The following FHIT variants were observed in gnomAD, a reference collection of about 807,000 sequenced individuals.
FHIT encodes bis(5'-adenosyl)-triphosphatase.
FHIT carries 19 observed loss-of-function variants against 17.9 expected under a neutral mutation model. That is an observed-to-expected ratio of 1.06 (90% CI 0.74 to 1.56). The LOEUF (loss-of-function observed/expected upper bound fraction) is 1.56. Among genes scored for constraint, FHIT ranks in the 40% most tolerant of loss-of-function variants. The pLI, the probability that FHIT is intolerant of heterozygous loss-of-function variation, is 0.00. For synonymous variants in FHIT, 81 were observed against 69.7 expected (o/e 1.16, Z -0.81); for missense variants, 248 against 189.2 (o/e 1.31, Z -1.82).
chr3:60,858,446 T>G (rs2106946382), intron 3 of FHIT, among the ~76,000 whole-genome samples: 1 of 152,226 alleles, frequency 6.6e-6, no homozygotes, highest in African/African-American at 2.4e-5. Flanking sequence ...CCCTGAAAAC[T>G]CGATTAAAAC....
At chr3:60,512,906 T>C (rs1280451512) in intron 5 of FHIT, among the ~76,000 whole-genome samples, 1 of 152,182 alleles carries the variant, frequency 6.6e-6, no homozygotes, top group Non-Finnish European at 1.5e-5. Flanking sequence ...TATTAATTTA[T>C]GAATAACCAA....
At chr3:60,641,671 G>A (rs1167320607) in intron 4 of FHIT, among the ~76,000 whole-genome samples, 2 of 152,052 alleles carry the variant, frequency 1.3e-5, no homozygotes, top group African/African-American at 4.8e-5. Context: ...ATAATCCTGG[G>A]AATTTCACCA....
At chr3:60,505,992 T>A (rs1375371770) in intron 5 of FHIT, among the ~76,000 whole-genome samples, 2 of 152,218 alleles carry the variant, frequency 1.3e-5, no homozygotes, top group Admixed American at 1.3e-4. Flanking sequence ...TGTAAAAGTC[T>A]GGTTTGATGA....
At chr3:60,139,124 C>A (rs755772793) in intron 5 of FHIT, among the ~76,000 whole-genome samples, 4 of 152,088 alleles carry the variant, frequency 2.6e-5, no homozygotes, top group Admixed American at 6.6e-5. Context: ...ATCTAACTGG[C>A]AAACAAGGAA....
chr3:59,920,526 G>C (rs943184687), intron 8 of FHIT, among the ~76,000 whole-genome samples: 3 of 152,148 alleles, frequency 2.0e-5, no homozygotes. Flanking sequence ...ATTGTGTCTT[G>C]AACTGGGCTG....
intron 2 of FHIT, among the ~76,000 whole-genome samples, chr3:61,142,056 C>T (rs1399297113): frequency 6.6e-6 from 1 of 151,468 alleles, no homozygotes; most frequent in Non-Finnish European, 1.5e-5. Flanking sequence ...GGAGTCAAAG[C>T]TTCACTTGCT....
chr3:59,892,508 T>C (rs1372045452), intron 8 of FHIT, among the ~76,000 whole-genome samples: 1 of 152,198 alleles, frequency 6.6e-6, no homozygotes, highest in Admixed American at 6.5e-5. Context: ...AAGTGATCAC[T>C]TTCCTGAGGC....
At chr3:60,846,918 G>A (rs949966941) in intron 3 of FHIT, among the ~76,000 whole-genome samples, 1 of 151,994 alleles carries the variant, frequency 6.6e-6, no homozygotes, top group East Asian at 1.9e-4. Flanking sequence ...CCGCCTCCCA[G>A]GTTCAAGCAA....
intron 5 of FHIT, among the ~76,000 whole-genome samples, chr3:60,121,756 T>C (rs1005264954): frequency 6.7e-6 from 1 of 150,332 alleles, no homozygotes; most frequent in Non-Finnish European, 1.5e-5. Context: ...ATTAGCCCTG[T>C]GCCTAATGTC....
At chr3:59,898,158 A>G (rs1704157578) in intron 8 of FHIT, among the ~76,000 whole-genome samples, 1 of 152,212 alleles carries the variant, frequency 6.6e-6, no homozygotes, top group Non-Finnish European at 1.5e-5. Flanking sequence ...AAATGCAGTT[A>G]AAACTCTGTT....
At chr3:61,172,529 C>T (rs2038035956) in intron 2 of FHIT, among the ~76,000 whole-genome samples, 1 of 152,126 alleles carries the variant, frequency 6.6e-6, no homozygotes, top group South Asian at 2.1e-4. Context: ...CTTTTAACAT[C>T]TTTTGAATTA....
intron 4 of FHIT, among the ~76,000 whole-genome samples, chr3:60,635,728 G>T (rs2039567091): frequency 6.6e-6 from 1 of 152,092 alleles, no homozygotes; most frequent in Non-Finnish European, 1.5e-5. Context: ...GTCAGAATTG[G>T]AACTCTGAGC....
chr3:60,694,460 T>C (rs1354059965), intron 4 of FHIT, among the ~76,000 whole-genome samples: 1 of 152,202 alleles, frequency 6.6e-6, no homozygotes, highest in Non-Finnish European at 1.5e-5. Context: ...TTTTACATTG[T>C]TGGTGGGACT....
chr3:59,969,452 C>T (rs951897088), intron 7 of FHIT, among the ~76,000 whole-genome samples: 1 of 152,082 alleles, frequency 6.6e-6, no homozygotes, highest in African/African-American at 2.4e-5. Flanking sequence ...GCTAATGTTT[C>T]ATTAATCCTA....
intron 4 of FHIT, among the ~76,000 whole-genome samples, chr3:60,540,545 G>T (rs1378582788): frequency 6.6e-6 from 1 of 152,172 alleles, no homozygotes. Flanking sequence ...CATCCAGCTG[G>T]TGTCCGCTGC....
chr3:60,375,566 G>A lies in FHIT; in HGVS notation c.103+161294C>T, dbSNP rs866258991. Among the ~76,000 whole-genome samples the A allele has an allele frequency of 2.6e-5, 4 of 152,196 alleles. No homozygotes were observed. The Middle Eastern group carries it at 0.01, about 391-fold the overall frequency. On this transcript the variant is annotated intron_variant, in intron 5 of 9. Transcript: ENST00000492590. ...CTCCAGCCTGGGTGACACGGTGAGT[G>A]AGACTCTGTCTCAAAAAATATATAT...
chr3:60,217,685 T>C (rs1386779570), intron 5 of FHIT, among the ~76,000 whole-genome samples: 1 of 152,134 alleles, frequency 6.6e-6, no homozygotes, highest in Non-Finnish European at 1.5e-5. Context: ...TTCCCCTCAC[T>C]CAACATATTC....
At chr3:60,751,405 T>A (rs2108032016) in intron 4 of FHIT, among the ~76,000 whole-genome samples, 1 of 152,236 alleles carries the variant, frequency 6.6e-6, no homozygotes, top group South Asian at 2.1e-4. Flanking sequence ...TCTATGAGAA[T>A]CACATATATC....
At chr3:60,176,378 C>G (rs1032275224) in intron 5 of FHIT, among the ~76,000 whole-genome samples, 14 of 151,750 alleles carry the variant, frequency 9.2e-5, no homozygotes, top group African/African-American at 3.2e-4. Context: ...CAACAAAAGC[C>G]ACATACTAGT....
Sources: gnomAD v4.1 joint callset for allele counts (sites outside exome capture counted in the v4.1 genomes callset) on GRCh38, gnomAD v4.1.1 for gene constraint, MANE v1.5 for transcripts, NCBI Gene and HGNC (gene_info 2026-07-23, HGNC 2026-07-21) for gene names.